SHANK1: variants seen among roughly 807,000 people sequenced by gnomAD.
SHANK1 encodes SH3 and multiple ankyrin repeat domains protein 1.
A neutral mutation model predicts 165.6 loss-of-function variants in SHANK1; 35 were observed. The ratio of observed to expected loss-of-function variants is 0.21; its 90% CI spans 0.16 to 0.28. SHANK1 has a LOEUF of 0.28. SHANK1 is among the 10% of genes least tolerant of loss of function. The pLI is 1.00. For missense variants in SHANK1, 2,681 were observed against 3,036.4 expected (o/e 0.88, Z 2.75); for synonymous variants, 1,428 against 1,384.8 (o/e 1.03, Z -0.69).
At position 50,668,390 on chromosome 19, in the gene SHANK1, G is replaced by A. The variant is rs766450484; in HGVS notation, c.3570C>T (p.Gly1190=). The change falls in exon 23 of 24, where the codon GGC becomes GGT. Residue 1190 remains glycine, a synonymous_variant. Coordinates refer to ENST00000293441, the MANE Select transcript of SHANK1 (RefSeq NM_016148.5). ...EPPTQPEPTG[G]GGGGGSSPSP... ...TGGGCGAGGAGCCGCCGCCGCCGCCGCCTCCCGTGGGCTCCGGCTGGGTGG... is the reference window on the plus strand; with the variant it reads ...TGGGCGAGGAGCCGCCGCCGCCGCCACCTCCCGTGGGCTCCGGCTGGGTGG... 2.8e-5 allele frequency: 37 copies of A among 1,306,846 alleles called. No individual in the cohort carries two copies. In the African/African-American group the frequency reaches 5.2e-4, roughly 18 times the overall value. The allele number at this position is 1,306,846 out of a possible 1,614,324, so 81.0% of individuals were successfully genotyped here. A position where few individuals can be genotyped will look rare whatever the true frequency, so the allele number is the denominator to read the frequency against.
At chr19:50,714,158 C>T (rs2089041908) in intron 5 of SHANK1, 24 bp downstream of exon 5, 1 of 1,606,172 alleles carries the variant, frequency 6.2e-7, no homozygotes, top group Non-Finnish European at 8.5e-7. Flanking sequence ...CCCTGAGGTC[C>T]TCCTGATGCG....
rs2089095592 is a variant in SHANK1 at position 50,718,606 on chromosome 19, C to T, written c.-44+800G>A. Among the ~76,000 whole-genome samples the T allele has an allele frequency of 6.6e-6, 1 of 151,804 alleles. No homozygotes were observed. The highest frequency in any genetic ancestry group is 1.5e-5 in the Non-Finnish European group (1 of 67,934). On this transcript the variant is annotated intron_variant, in intron 1 of 23. Coordinates refer to ENST00000293441, the MANE Select transcript of SHANK1 (RefSeq NM_016148.5). This position sits in a 1 kb window ranked among gnomAD's most constrained non-coding sequence, Gnocchi z 5.1. The stretch of plus-strand genomic sequence containing the variant: ...AGCTGGCACGCAGCTGGTACCGAGA[C>T]GGGCTGAGGAATCGGCGAGGGGGGT...
At chr19:50,677,569 T>C (rs1175917795) in intron 21 of SHANK1, among the ~76,000 whole-genome samples, 1 of 152,212 alleles carries the variant, frequency 6.6e-6, no homozygotes, top group Non-Finnish European at 1.5e-5. Flanking sequence ...AGGAAGTTAC[T>C]TTGTTTGACT....
At position 50,661,270 on chromosome 19, in the gene SHANK1, G is replaced by A. The variant is rs1021591562; in HGVS notation, c.*695C>T. On this transcript the variant is annotated 3_prime_UTR_variant, in exon 24 of 24. Coordinates refer to ENST00000293441, the MANE Select transcript of SHANK1 (RefSeq NM_016148.5). ...CTGGTAGGGGAAAAGTGTGTAAGCA[G>A]CAAGAAGCAGAGAAGGAGGCATGGA... Among the ~76,000 whole-genome samples the A allele has an allele frequency of 5.9e-5, 9 of 152,150 alleles. No individual in the cohort carries two copies. Among genetic ancestry groups the A allele is most frequent in the Non-Finnish European group, 1.3e-4 (9 of 68,008 alleles).
At chr19:50,709,135 A>ATATT (rs528468150) in intron 8 of SHANK1, among the ~76,000 whole-genome samples, 5 of 152,168 alleles carry the variant, frequency 3.3e-5, no homozygotes, top group Non-Finnish European at 5.9e-5. Context: ...TGCATGGTAG[A>ATATT]TATTTATTTA....
Position 50,666,207 on chromosome 19 carries a change from G to C in SHANK1, c.5753C>G (p.Ser1918Cys). ...GASYVPERTS[S>C]LQRQRLSDDS... ...CCCCGCTTACCTCTGCCGCTGCAGG[G>C]AGGAGGTCCTCTCGGGGACATAGCT... Residue 1918 changes from serine (S) to cysteine (C), a missense_variant, in exon 23 of 24, where the codon TCC becomes TGC. By Grantham distance (112) the Ser-to-Cys change is moderately radical (BLOSUM62 -1). Coordinates refer to ENST00000293441, the MANE Select transcript of SHANK1 (RefSeq NM_016148.5). 1 of 1,600,894 alleles carries C rather than the reference G, an allele frequency of 6.2e-7. No individual in the cohort carries two copies.
At chr19:50,675,249 A>AAAAG (rs1267442405) in intron 21 of SHANK1, among the ~76,000 whole-genome samples, 1 of 152,140 alleles carries the variant, frequency 6.6e-6, no homozygotes, top group East Asian at 1.9e-4. Context: ...GAAACAGACC[A>AAAAG]ACCAAAAAGA....
rs768380820 is a variant in SHANK1 at position 50,704,228 on chromosome 19, G to C, written c.1156-42C>G. The C allele has an allele frequency of 1.9e-6, 3 of 1,593,500 alleles. No homozygotes were observed. In the South Asian group the frequency reaches 3.3e-5, roughly 18 times the overall value. On this transcript the variant is annotated intron_variant, in intron 9 of 23. Coordinates refer to ENST00000293441, the MANE Select transcript of SHANK1 (RefSeq NM_016148.5). ...GAGGCAGGTCGGCCAGGGGGGCCCA[G>C]GCAGCAGAGAGAGGGCAGGGAACGT...
In SHANK1 at chr19:50,660,841, A is replaced by C. The variant is rs1293350830; in HGVS notation, c.*1124T>G. Among the ~76,000 whole-genome samples, 1 of 150,302 alleles carries C rather than the reference A, an allele frequency of 6.7e-6. No individual in the cohort carries two copies. The highest frequency in any genetic ancestry group is 1.5e-5 in the Non-Finnish European group (1 of 67,726). On this transcript the variant is annotated 3_prime_UTR_variant, in exon 24 of 24. Transcript: ENST00000293441. ...CAAGGGAGTGGGAGCCTGGCAAAGA[A>C]GAAGAGAATGAGCATGTGTGAGAGA...
At chr19:50,692,563 C>G (rs199527080) in intron 15 of SHANK1, among the ~76,000 whole-genome samples, 1 of 151,416 alleles carries the variant, frequency 6.6e-6, no homozygotes, top group East Asian at 1.9e-4. Context: ...CTCAACCACC[C>G]CCTATCCTAC....
intron 8 of SHANK1, among the ~76,000 whole-genome samples, chr19:50,710,772 A>G (rs2088997772): frequency 6.6e-6 from 1 of 152,196 alleles, no homozygotes; most frequent in African/African-American, 2.4e-5. Flanking sequence ...CGGGGGCTGC[A>G]CGTTGGCCTT....
intron 21 of SHANK1, among the ~76,000 whole-genome samples, chr19:50,684,040 T>C (rs982998547): frequency 5.3e-5 from 8 of 152,212 alleles, no homozygotes; most frequent in African/African-American, 1.9e-4. Context: ...ATGTGCATGC[T>C]CTGTCTTTCT....
intron 21 of SHANK1, among the ~76,000 whole-genome samples, chr19:50,683,785 C>A (rs1455775507): frequency 6.6e-6 from 1 of 152,202 alleles, no homozygotes; most frequent in African/African-American, 2.4e-5. Flanking sequence ...CCAAGAATAA[C>A]CACAAAAGCC....
chr19:50,705,389 G>A (rs1045427884), intron 8 of SHANK1, among the ~76,000 whole-genome samples: 7 of 152,162 alleles, frequency 4.6e-5, no homozygotes, highest in Non-Finnish European at 1.0e-4. Flanking sequence ...AAATGATAAT[G>A]TTTTAGATAC....
intron 23 of SHANK1, among the ~76,000 whole-genome samples, chr19:50,665,037 G>A (rs927010952): frequency 2.6e-5 from 4 of 152,190 alleles, no homozygotes; most frequent in Admixed American, 6.5e-5. Flanking sequence ...GATTACAGGC[G>A]TGAACCACCA....
At chr19:50,669,379 G>T in intron 22 of SHANK1, 94 bp from the exon 23 acceptor site, 1 of 817,948 alleles carries the variant, frequency 1.2e-6, no homozygotes, top group Admixed American at 2.3e-5. Context: ...CTAATGACAA[G>T]AATGGCACCC....
chr19:50,684,557 C>T (rs190070130), intron 21 of SHANK1, among the ~76,000 whole-genome samples: 77 of 152,216 alleles, frequency 5.1e-4, no homozygotes, highest in Non-Finnish European at 1.0e-3. Context: ...AAGTACGAGC[C>T]CCTCCAGAGC....
At chr19:50,684,229 G>T (rs912845828) in intron 21 of SHANK1, among the ~76,000 whole-genome samples, 1 of 147,088 alleles carries the variant, frequency 6.8e-6, no homozygotes, top group Non-Finnish European at 1.5e-5. Context: ...AAGGAAGAAG[G>T]TTTTTTTTTT....
chr19:50,699,851 G>A (rs1236552173), intron 12 of SHANK1, among the ~76,000 whole-genome samples: 1 of 150,992 alleles, frequency 6.6e-6, no homozygotes, highest in Non-Finnish European at 1.5e-5. Flanking sequence ...TTGGGGCATT[G>A]GAGGATTGGA....
Sources: allele counts gnomAD v4.1 joint callset (sites outside exome capture counted in the v4.1 genomes callset), GRCh38; gene constraint gnomAD v4.1.1; non-coding constraint Gnocchi (gnomAD v3.1); transcripts MANE v1.5; gene names NCBI Gene and HGNC (gene_info 2026-07-23, HGNC 2026-07-21).